Variants in ANKS1B observed in about 807,000 individuals in gnomAD.
The protein encoded by ANKS1B is ankyrin repeat and sterile alpha motif domain-containing protein 1B.
In ANKS1B, 36 loss-of-function variants were observed where a neutral mutation model predicts 148.3. The ratio of observed to expected loss-of-function variants is 0.24; its 90% CI spans 0.19 to 0.32. ANKS1B has a LOEUF of 0.32. ANKS1B is among the 10% of genes least tolerant of loss of function. ANKS1B has a pLI of 1.00. For synonymous variants in ANKS1B, 542 were observed against 560.8 expected (o/e 0.97, Z 0.47); for missense variants, 1,157 against 1,542.6 (o/e 0.75, Z 4.19).
chr12:99,937,645 A>G (rs1324485607), intron 1 of ANKS1B, among the ~76,000 whole-genome samples: 2 of 152,196 alleles, frequency 1.3e-5, no homozygotes, highest in African/African-American at 4.8e-5. Context: ...ATCTTCAAAC[A>G]GCTATCATAT....
chr12:99,116,727 T>C (rs978361295), intron 15 of ANKS1B, among the ~76,000 whole-genome samples: 1 of 152,310 alleles, frequency 6.6e-6, no homozygotes, highest in Middle Eastern at 3.4e-3. Context: ...TTTTTTCTAA[T>C]TCTGTGAAGA....
chr12:99,279,299 A>C (rs2078079925), intron 12 of ANKS1B, among the ~76,000 whole-genome samples: 1 of 152,214 alleles, frequency 6.6e-6, no homozygotes, highest in Admixed American at 6.5e-5. Context: ...TATAAGGAAA[A>C]GGGCTATTGA....
chr12:98,755,710 A>C (rs1002717534), intron 25 of ANKS1B, among the ~76,000 whole-genome samples: 1 of 152,186 alleles, frequency 6.6e-6, no homozygotes, highest in Non-Finnish European at 1.5e-5. Context: ...GGAGGCTCAG[A>C]GGGGTGAAAT....
intron 17 of ANKS1B, among the ~76,000 whole-genome samples, chr12:98,949,150 C>T (rs1044071755): frequency 6.6e-6 from 1 of 151,808 alleles, no homozygotes; most frequent in East Asian, 1.9e-4. Flanking sequence ...GTCAGGGTTT[C>T]ACTGTGTTAG....
chr12:99,251,967 A>G (rs2074661824), intron 12 of ANKS1B, among the ~76,000 whole-genome samples: 1 of 152,122 alleles, frequency 6.6e-6, no homozygotes, highest in Admixed American at 6.5e-5. Flanking sequence ...CCTACATTCC[A>G]GCAGAAAAGA....
At chr12:99,269,652 G>T (rs188950747) in intron 12 of ANKS1B, among the ~76,000 whole-genome samples, 2 of 152,072 alleles carry the variant, frequency 1.3e-5, no homozygotes, top group Non-Finnish European at 2.9e-5. Context: ...TCCGCGTCCC[G>T]GGTTCACGCC....
intron 15 of ANKS1B, among the ~76,000 whole-genome samples, chr12:99,150,546 G>A (rs1257977994): frequency 3.3e-5 from 5 of 152,008 alleles, no homozygotes; most frequent in Middle Eastern, 6.3e-3. Context: ...CAGGAGGAGC[G>A]GGTAGAGAAT....
intron 17 of ANKS1B, among the ~76,000 whole-genome samples, chr12:98,963,589 A>G (rs2099875385): frequency 6.6e-6 from 1 of 152,230 alleles, no homozygotes; most frequent in Non-Finnish European, 1.5e-5. Context: ...AAAACTCTCC[A>G]GGCAAGTGAT....
chr12:99,906,796 T>C (rs1450660564), intron 1 of ANKS1B, among the ~76,000 whole-genome samples: 1 of 152,224 alleles, frequency 6.6e-6, no homozygotes, highest in Admixed American at 6.5e-5. Context: ...ATCTCTGCCT[T>C]CCATTCAACA....
At chr12:99,055,912 T>C (rs2040032703) in intron 16 of ANKS1B, among the ~76,000 whole-genome samples, 1 of 152,160 alleles carries the variant, frequency 6.6e-6, no homozygotes, top group Non-Finnish European at 1.5e-5. Flanking sequence ...ACAGCAACCA[T>C]CATATCAGGA....
intron 1 of ANKS1B, among the ~76,000 whole-genome samples, chr12:99,828,174 C>T (rs1046867133): frequency 7.9e-5 from 12 of 152,118 alleles, no homozygotes; most frequent in African/African-American, 2.9e-4. Context: ...TAGATTTTCT[C>T]AGGAAGAACA....
chr12:99,016,535 A>G (rs938595658), intron 17 of ANKS1B, among the ~76,000 whole-genome samples: 6 of 152,170 alleles, frequency 3.9e-5, no homozygotes, highest in Admixed American at 2.6e-4. Flanking sequence ...ACATGCCTGT[A>G]ATTTCAGCTA....
chr12:99,060,456 T>C (rs2042022239), intron 16 of ANKS1B, among the ~76,000 whole-genome samples: 1 of 152,104 alleles, frequency 6.6e-6, no homozygotes, highest in Admixed American at 6.6e-5. Flanking sequence ...ATGCGTTTTA[T>C]ACAAGTAAGA....
chr12:99,479,969 T>A (rs911082452), intron 10 of ANKS1B, among the ~76,000 whole-genome samples: 2 of 151,872 alleles, frequency 1.3e-5, no homozygotes, highest in African/African-American at 2.4e-5. Context: ...TTCCATTATG[T>A]ATACATATAT....
intron 14 of ANKS1B, among the ~76,000 whole-genome samples, chr12:99,179,405 G>A (rs2078837556): frequency 7.0e-6 from 1 of 143,798 alleles, no homozygotes; most frequent in Admixed American, 7.1e-5. Flanking sequence ...CTCCGGCCTG[G>A]GTGACACAGC....
At chr12:99,566,788 A>G (rs2097399311) in intron 9 of ANKS1B, among the ~76,000 whole-genome samples, 1 of 152,204 alleles carries the variant, frequency 6.6e-6, no homozygotes, top group Non-Finnish European at 1.5e-5. Flanking sequence ...ACCATGAACT[A>G]AATAAACATC....
Position 98,735,497 on chromosome 12 carries a change from T to A in ANKS1B, c.*63A>T, listed in dbSNP as rs1012027173. On this transcript the variant is annotated 3_prime_UTR_variant, in exon 10 of 10. Transcript: ENST00000341752. Reference sequence around the variant, plus strand: ...TTGATTAGACCACTAAAGTGAAGGATTCAAGCTAAATACATCAACCTTTCT... The same window carrying A: ...TTGATTAGACCACTAAAGTGAAGGAATCAAGCTAAATACATCAACCTTTCT... 3 of 629,180 alleles carry A rather than the reference T, an allele frequency of 4.8e-6. No individual in the cohort carries two copies. In the African/African-American group the frequency reaches 5.3e-5, roughly 11 times the overall value. The allele number at this position is 629,180 out of a possible 1,614,324, so 39.0% of individuals were successfully genotyped here.
rs138093718 is a variant in ANKS1B, at chr12:99,153,053, T to C, written c.2526+1236A>G. ...CAGTATAAAAAAACCAACAAATCAC[T>C]CATAAAGCATTCTGTGCATGCAATT... On this transcript the variant is annotated intron_variant, in intron 15 of 26. Transcript: ENST00000683438. Among the ~76,000 whole-genome samples the C allele has an allele frequency of 6.4e-3, 967 of 152,250 alleles. 9 individuals are homozygous for C. The highest frequency in any genetic ancestry group is 0.021 in the African/African-American group (891 of 41,570).
Position 99,191,408 on chromosome 12 carries a change from C to T in ANKS1B, c.2420-37013G>A, listed in dbSNP as rs145950423. On this transcript the variant is annotated intron_variant, in intron 14 of 26. Transcript: ENST00000683438. The stretch of plus-strand genomic sequence containing the variant: ...GACACATGCACACGTGTGTTTACTG[C>T]GACACTGTTCACAATAGCAAAGACT... Among the ~76,000 whole-genome samples, 1,374 of 152,182 alleles carry T rather than the reference C, an allele frequency of 9.0e-3. 16 individuals are homozygous for T. Among genetic ancestry groups the T allele is most frequent in the African/African-American group, 0.032 (1,318 of 41,500 alleles).
Sources: allele counts gnomAD v4.1 joint callset (sites outside exome capture counted in the v4.1 genomes callset), GRCh38; gene constraint gnomAD v4.1.1; transcripts MANE v1.5; gene names NCBI Gene and HGNC (gene_info 2026-07-23, HGNC 2026-07-21).